TBC1D22B: variants seen among roughly 807,000 people sequenced by gnomAD.
TBC1D22B encodes the protein chromosome 6 open reading frame 197.
Under a neutral mutation model 69.1 loss-of-function variants are expected in TBC1D22B, and 32 were observed. The observed-to-expected ratio is 0.46, with a 90% CI of 0.35 to 0.62. TBC1D22B has a LOEUF of 0.62. Among genes scored for constraint, TBC1D22B ranks in the 20% least tolerant of loss-of-function variants. The probability of loss-of-function intolerance (pLI) is 0.00; values close to 1 mark genes in which losing one functional copy is unlikely to be tolerated. For synonymous variants in TBC1D22B, 206 were observed against 229.8 expected, an observed-to-expected ratio of 0.90 and a Z score of 0.94; for missense variants, 462 against 630.9, an observed-to-expected ratio of 0.73 and a Z score of 2.87.
At chr6:37,264,957 T>C (rs2113972679) in intron 1 of TBC1D22B, among the ~76,000 whole-genome samples, 1 of 152,324 alleles carries the variant, frequency 6.6e-6, no homozygotes, top group East Asian at 1.9e-4. Context: ...TGTCAGGAAA[T>C]TGAGCACCTT....
At chr6:37,309,095 A>G (rs1767825233) in intron 8 of TBC1D22B, among the ~76,000 whole-genome samples, 2 of 152,208 alleles carry the variant, frequency 1.3e-5, no homozygotes, top group South Asian at 4.1e-4. Context: ...TATATTAACT[A>G]ACTTATTTAA....
intron 8 of TBC1D22B, among the ~76,000 whole-genome samples, chr6:37,291,919 G>C (rs1171401454): frequency 6.6e-6 from 1 of 152,162 alleles, no homozygotes; most frequent in Non-Finnish European, 1.5e-5. Flanking sequence ...GGCAGCAGGT[G>C]GGTTTTCTTG....
rs898476957 is a variant in TBC1D22B at position 37,332,493 on chromosome 6, C to T, written c.*1321C>T. On this transcript the variant is annotated 3_prime_UTR_variant, in exon 13 of 13. Coordinates refer to ENST00000373491, the MANE Select transcript of TBC1D22B (RefSeq NM_017772.4). The stretch of plus-strand genomic sequence containing the variant: ...AAGGAAAGGGGCTTCTTGTGTGTCC[C>T]TCGGGTTTGGGGCTCTTCTCAGAGA... 8 of 152,684 alleles carry T rather than the reference C, an allele frequency of 5.2e-5. No homozygotes were observed. The highest frequency in any genetic ancestry group is 1.9e-4 in the African/African-American group (8 of 41,414). The allele number at this position is 152,684 out of a possible 1,614,324, so 9.5% of individuals were successfully genotyped here. A position where few individuals can be genotyped will look rare whatever the true frequency, so the allele number is the denominator to read the frequency against.
chr6:37,317,108 C>A lies in TBC1D22B; in HGVS notation c.1294-3C>A. 1 of 1,563,416 alleles carries A rather than the reference C, an allele frequency of 6.4e-7. No homozygotes were observed. The highest frequency in any genetic ancestry group is 2.4e-5 in the East Asian group (1 of 42,460). On this transcript the variant is annotated splice_polypyrimidine_tract_variant and splice_region_variant and intron_variant, in intron 11 of 12. Transcript: ENST00000373491. ...GACCTAACTCTATTTTTCTGCTTCC[C>A]AGTCTGAACCAGAAGGGTTCTCCCA...
intron 1 of TBC1D22B, among the ~76,000 whole-genome samples, chr6:37,266,240 C>T (rs550539653): frequency 5.9e-5 from 9 of 152,172 alleles, no homozygotes; most frequent in Non-Finnish European, 8.8e-5. Context: ...GGTGTCCCAT[C>T]ATCTTCCAGT....
chr6:37,316,799 G>A lies in TBC1D22B; in HGVS notation c.1262G>A (p.Arg421His), dbSNP rs780453792. The A allele has an allele frequency of 1.2e-6, 2 of 1,614,164 alleles. No individual in the cohort carries two copies. Among genetic ancestry groups the A allele is most frequent in the Non-Finnish European group, 1.7e-6 (2 of 1,180,042 alleles). The change falls in exon 11 of 13, where the codon CGC (arginine) becomes CAC (histidine). Residue 421 changes from arginine to histidine, a missense_variant. Coordinates refer to ENST00000373491, the MANE Select transcript of TBC1D22B (RefSeq NM_017772.4). ...NNLLMRELPLRCTIRLWDTYQ... is the reference protein window; with the variant it reads ...NNLLMRELPLHCTIRLWDTYQ... ...CTGCTTATGCGGGAGCTTCCTCTTC[G>A]CTGCACCATCCGCCTGTGGGACACA...
At chr6:37,298,197 TAAAA>T (rs200299002) in intron 8 of TBC1D22B, among the ~76,000 whole-genome samples, 1 of 150,266 alleles carries the variant, frequency 6.7e-6, no homozygotes, top group Admixed American at 6.6e-5. Flanking sequence ...AAGTATAATT[TAAAA>T]AAAAAATCAA....
At chr6:37,307,983 T>G (rs1005733595) in intron 8 of TBC1D22B, among the ~76,000 whole-genome samples, 1 of 152,212 alleles carries the variant, frequency 6.6e-6, no homozygotes, top group Non-Finnish European at 1.5e-5. Context: ...TTTTTAGGAC[T>G]GGGGCTCAGA....
intron 6 of TBC1D22B, among the ~76,000 whole-genome samples, chr6:37,285,136 C>T (rs918434321): frequency 4.6e-5 from 7 of 151,798 alleles, no homozygotes; most frequent in African/African-American, 1.7e-4. Flanking sequence ...CTATTTACAA[C>T]AAGCCTCAAG....
At chr6:37,326,233 A>G (rs1768399494) in intron 12 of TBC1D22B, among the ~76,000 whole-genome samples, 1 of 151,956 alleles carries the variant, frequency 6.6e-6, no homozygotes, top group Admixed American at 6.6e-5. Flanking sequence ...TGCAAAAATT[A>G]GCTGGGTGCA....
At chr6:37,317,896 C>T (rs1044128195) in intron 12 of TBC1D22B, among the ~76,000 whole-genome samples, 3 of 152,080 alleles carry the variant, frequency 2.0e-5, no homozygotes, top group Admixed American at 6.5e-5. Context: ...GGAATCATGA[C>T]GGTCACTGGT....
chr6:37,311,800 G>A (rs2113779452), intron 8 of TBC1D22B, among the ~76,000 whole-genome samples: 1 of 152,368 alleles, frequency 6.6e-6, no homozygotes, highest in East Asian at 1.9e-4. Context: ...GTGGGTCTGA[G>A]GAGAAAAGCT....
intron 12 of TBC1D22B, among the ~76,000 whole-genome samples, chr6:37,327,960 C>G (rs982310597): frequency 6.6e-6 from 1 of 151,798 alleles, no homozygotes; most frequent in Admixed American, 6.6e-5. Context: ...TGGTAGAGAT[C>G]TAGGGAAATG....
intron 2 of TBC1D22B, among the ~76,000 whole-genome samples, chr6:37,273,236 A>G (rs947491190): frequency 1.3e-5 from 2 of 151,854 alleles, no homozygotes; most frequent in Admixed American, 6.6e-5. Flanking sequence ...GCCTAGACCT[A>G]CATCGTGGTC....
intron 8 of TBC1D22B, among the ~76,000 whole-genome samples, chr6:37,307,475 C>A (rs1480086157): frequency 6.6e-6 from 1 of 151,790 alleles, no homozygotes; most frequent in Non-Finnish European, 1.5e-5. Context: ...CCTGCCTCAG[C>A]CTCCTGAGTA....
chr6:37,267,359 A>G (rs1350526341), intron 1 of TBC1D22B, among the ~76,000 whole-genome samples: 3 of 115,834 alleles, frequency 2.6e-5, no homozygotes, highest in African/African-American at 4.3e-5. Context: ...ATACACACAT[A>G]TATAATATAT....
rs1252839272 is a variant in TBC1D22B at position 37,332,571 on chromosome 6, ATG to A, written c.*1404_*1405del. ...CTTCACTCCCCACACAGCTCATGAG[ATG>A]TGTGACCCCTGTTTGAGTTTTGGTA... On this transcript the variant is annotated 3_prime_UTR_variant, in exon 13 of 13. Transcript: ENST00000373491. The A allele has an allele frequency of 1.4e-5, 2 of 141,968 alleles. No homozygotes were observed. Among genetic ancestry groups the A allele is most frequent in the African/African-American group, 5.3e-5 (2 of 37,422 alleles). 8.8% of individuals were successfully genotyped at this position (141,968 alleles called of 1,614,324 possible). A position where few individuals can be genotyped will look rare whatever the true frequency, so the allele number is the denominator to read the frequency against.
intron 6 of TBC1D22B, among the ~76,000 whole-genome samples, chr6:37,286,088 A>G (rs1043474026): frequency 3.3e-5 from 5 of 152,104 alleles, no homozygotes; most frequent in African/African-American, 1.2e-4. Context: ...CATACATGCC[A>G]GCCCAGAGTG....
intron 1 of TBC1D22B, among the ~76,000 whole-genome samples, chr6:37,267,363 AATATATATACACACATATATAAT>A (rs1562039530): frequency 1.8e-4 from 19 of 106,726 alleles, no homozygotes; most frequent in African/African-American, 6.9e-4. Flanking sequence ...ACACATATAT[AATATATATACACACATATATAAT>A]ATATATATAC....
Sources: allele counts gnomAD v4.1 joint callset (sites outside exome capture counted in the v4.1 genomes callset), GRCh38; gene constraint gnomAD v4.1.1; transcripts MANE v1.5; gene names NCBI Gene and HGNC (gene_info 2026-07-23, HGNC 2026-07-21).